The following OSBPL10 variants were observed in gnomAD, a reference collection of about 807,000 sequenced individuals.
The protein encoded by OSBPL10 is oxysterol binding protein like 10, also known as oxysterol-binding protein-related protein 10.
In OSBPL10, 49 loss-of-function variants were observed where a neutral mutation model predicts 81.7. The ratio of observed to expected loss-of-function variants is 0.60; its 90% CI spans 0.48 to 0.76. The LOEUF (loss-of-function observed/expected upper bound fraction) is 0.76, where lower values mean the gene tolerates loss of function less well. Ranked by LOEUF, OSBPL10 falls within the 30% of genes least tolerant of loss-of-function variation. OSBPL10 has a pLI of 0.00. For missense variants in OSBPL10, 923 were observed against 987.8 expected, an observed-to-expected ratio of 0.93 and a Z score of 0.88; for synonymous variants, 419 against 383.6, an observed-to-expected ratio of 1.09 and a Z score of -1.08.
chr3:31,872,130 A>C (rs1030678381), intron 3 of OSBPL10, among the ~76,000 whole-genome samples: 2 of 152,220 alleles, frequency 1.3e-5, no homozygotes, highest in Non-Finnish European at 2.9e-5. Context: ...CTCCACCTCA[A>C]GTAACACCGG....
At chr3:31,776,301 A>C (rs1455535817) in intron 4 of OSBPL10, among the ~76,000 whole-genome samples, 1 of 152,232 alleles carries the variant, frequency 6.6e-6, no homozygotes, top group Non-Finnish European at 1.5e-5. Context: ...TCATTAAAAA[A>C]GGAGAAAATT....
At chr3:31,866,780 C>T (rs538811036) in intron 3 of OSBPL10, among the ~76,000 whole-genome samples, 2 of 152,120 alleles carry the variant, frequency 1.3e-5, no homozygotes, top group African/African-American at 4.8e-5. Flanking sequence ...AGGGCTCTTA[C>T]TACCACAAGG....
chr3:32,032,622 G>A (rs1699483329), intron 2 of OSBPL10, among the ~76,000 whole-genome samples: 1 of 152,052 alleles, frequency 6.6e-6, no homozygotes, highest in South Asian at 2.1e-4. Flanking sequence ...ACTTAAATAG[G>A]ACACTGGATA....
At chr3:32,030,909 T>C (rs1699460124) in intron 2 of OSBPL10, among the ~76,000 whole-genome samples, 1 of 152,112 alleles carries the variant, frequency 6.6e-6, no homozygotes, top group African/African-American at 2.4e-5. Context: ...CTCACACCTG[T>C]AATCCCAGCA....
chr3:32,070,529 C>T (rs527727518), intron 1 of OSBPL10, among the ~76,000 whole-genome samples: 17 of 152,324 alleles, frequency 1.1e-4, no homozygotes, highest in African/African-American at 4.1e-4. Flanking sequence ...TCCCTGGCAA[C>T]TGATCACATG....
chr3:31,900,372 C>T (rs754279552), intron 1 of OSBPL10, among the ~76,000 whole-genome samples: 17 of 152,096 alleles, frequency 1.1e-4, no homozygotes, highest in Admixed American at 2.0e-4. Flanking sequence ...TATCATTGCC[C>T]CTTCTTGTTC....
At chr3:31,886,481 G>A (rs1182141323) in intron 1 of OSBPL10, among the ~76,000 whole-genome samples, 1 of 152,184 alleles carries the variant, frequency 6.6e-6, no homozygotes, top group African/African-American at 2.4e-5. Flanking sequence ...CAGCTTCATG[G>A]AGAGGGTGGA....
At chr3:31,710,416 C>G (rs1039616799) in intron 6 of OSBPL10, among the ~76,000 whole-genome samples, 30 of 152,256 alleles carry the variant, frequency 2.0e-4, no homozygotes, top group African/African-American at 7.2e-4. Context: ...CCCTTCTCCC[C>G]CCACAGCTTC....
intron 1 of OSBPL10, among the ~76,000 whole-genome samples, chr3:31,903,633 T>C (rs953136464): frequency 2.0e-5 from 3 of 152,060 alleles, no homozygotes; most frequent in East Asian, 1.9e-4. Flanking sequence ...GCTCAGCTAT[T>C]AGCCCTTTTT....
intron 6 of OSBPL10, among the ~76,000 whole-genome samples, chr3:31,716,824 T>C (rs555176425): frequency 2.7e-4 from 41 of 152,300 alleles, no homozygotes; most frequent in African/African-American, 9.6e-4. Context: ...TCACCTTTGA[T>C]TGGATAAGGG....
intron 1 of OSBPL10, among the ~76,000 whole-genome samples, chr3:31,902,302 G>A (rs568856096): frequency 1.4e-4 from 18 of 132,460 alleles, no homozygotes; most frequent in Admixed American, 7.9e-4. Flanking sequence ...CCACTCTGTC[G>A]CCCAGGCTGA....
At chr3:32,001,832 A>G (rs1199748051) in intron 2 of OSBPL10, among the ~76,000 whole-genome samples, 1 of 151,950 alleles carries the variant, frequency 6.6e-6, no homozygotes, top group Non-Finnish European at 1.5e-5. Flanking sequence ...CAATGGCCCC[A>G]CTCAATTGAA....
intron 2 of OSBPL10, among the ~76,000 whole-genome samples, chr3:31,997,092 T>G (rs1559546304): frequency 6.6e-6 from 1 of 152,200 alleles, no homozygotes; most frequent in Non-Finnish European, 1.5e-5. Flanking sequence ...GAGATCATCA[T>G]ATGCTTAAAT....
rs184716277 is a variant in OSBPL10 at position 31,876,666 on chromosome 3, C to T, written c.458-154G>A. The stretch of plus-strand genomic sequence containing the variant: ...AAGCACAGATCACAACGTTCTCAAG[C>T]GGCCTGTACTTACACCAAAACAGAG... On this transcript the variant is annotated intron_variant, in intron 2 of 11. Coordinates refer to ENST00000396556, the MANE Select transcript of OSBPL10 (RefSeq NM_017784.5). Among the ~76,000 whole-genome samples the T allele has an allele frequency of 1.6e-4, 25 of 152,284 alleles. No individual in the cohort carries two copies. The East Asian group carries it at 2.9e-3, about 18-fold the overall frequency.
At chr3:31,873,156 G>T (rs4532170) in intron 3 of OSBPL10, among the ~76,000 whole-genome samples, 70,931 of 151,820 alleles carry the variant, frequency 0.47, 19,894 homozygotes, top group African/African-American at 0.8. Context: ...TCAAAACTCA[G>T]TGAACTTTAC....
chr3:31,662,485 A>C, intron 11 of OSBPL10: 1 of 1,026,074 alleles, frequency 9.7e-7, no homozygotes, highest in Non-Finnish European at 1.2e-6. Context: ...TGTGCATACC[A>C]GTGACTTCCA....
intron 6 of OSBPL10, among the ~76,000 whole-genome samples, chr3:31,723,042 C>CA (rs1266212789): frequency 6.6e-6 from 1 of 152,012 alleles, no homozygotes; most frequent in Non-Finnish European, 1.5e-5. Context: ...ATTTCATTTC[C>CA]AAAAAAGTTA....
intron 4 of OSBPL10, chr3:31,795,951 T>C (rs1699201508): frequency 1.7e-5 from 4 of 231,154 alleles, no homozygotes; most frequent in Admixed American, 1.2e-4. Flanking sequence ...GCAATGAACA[T>C]GGGAAATCAT....
At chr3:32,048,756 C>T (rs569497471) in intron 1 of OSBPL10, among the ~76,000 whole-genome samples, 25 of 152,182 alleles carry the variant, frequency 1.6e-4, no homozygotes, top group African/African-American at 5.8e-4. Context: ...AGGCTGAGAC[C>T]TATAATCCCA....
Sources: gnomAD v4.1 joint callset for allele counts (sites outside exome capture counted in the v4.1 genomes callset) on GRCh38, gnomAD v4.1.1 for gene constraint, MANE v1.5 for transcripts, NCBI Gene and HGNC (gene_info 2026-07-23, HGNC 2026-07-21) for gene names.